EPRS1: variants seen among roughly 807,000 people sequenced by gnomAD.
The protein encoded by EPRS1 is bifunctional glutamate/proline--tRNA ligase.
In EPRS1, 107 loss-of-function variants were observed where a neutral mutation model predicts 188.3. The observed-to-expected ratio is 0.57, with a 90% confidence interval of 0.49 to 0.67. EPRS1 has a LOEUF of 0.67. Ranked by LOEUF, EPRS1 falls within the 30% of genes least tolerant of loss-of-function variation. The probability of loss-of-function intolerance (pLI) is 0.00; values close to 1 mark genes in which losing one functional copy is unlikely to be tolerated. For missense variants in EPRS1, 1,577 were observed against 1,802.2 expected, an observed-to-expected ratio of 0.88 and a Z score of 2.26; for synonymous variants, 596 against 593.1, an observed-to-expected ratio of 1.00 and a Z score of -0.07.
chr1:219,977,472 GT>G (rs1308743443), intron 28 of EPRS1, among the ~76,000 whole-genome samples: 1 of 152,048 alleles, frequency 6.6e-6, no homozygotes, highest in African/African-American at 2.4e-5. Context: ...AACGTGGATG[GT>G]TTTTTCTTTT....
At chr1:220,006,342 A>C (rs1305089178) in intron 14 of EPRS1, 29 bp from the exon 15 acceptor site, 7 of 1,053,916 alleles carry the variant, frequency 6.6e-6, no homozygotes, top group Non-Finnish European at 9.5e-6. Context: ...GTATTCAAAG[A>C]AATATTAACC....
chr1:220,046,503 T>C lies in EPRS1; in HGVS notation c.-115A>G, dbSNP rs1662407218. ...GCGCGTACCCGACGCCGCCGCAGCCTTCGCTCCGCCCCTGCGCCGCAGCTA... is the reference window on the plus strand; with the variant it reads ...GCGCGTACCCGACGCCGCCGCAGCCCTCGCTCCGCCCCTGCGCCGCAGCTA... On this transcript the variant is annotated 5_prime_UTR_variant, in exon 1 of 32. Coordinates refer to ENST00000366923, the MANE Select transcript of EPRS1 (RefSeq NM_004446.3). The C allele has an allele frequency of 1.7e-5, 25 of 1,511,876 alleles. No homozygotes were observed. The South Asian group carries it at 2.6e-4, about 16-fold the overall frequency. 93.7% of individuals were successfully genotyped at this position (1,511,876 alleles called of 1,614,324 possible).
At chr1:220,032,241 ATTTT>A (rs57738676) in intron 5 of EPRS1, 142 bp downstream of exon 5, 1,251 of 411,882 alleles carry the variant, frequency 3.0e-3, no homozygotes, top group Middle Eastern at 4.9e-3. Context: ...CGCCCGGCTA[ATTTT>A]TTTTTTTTTT....
chr1:220,004,737 T>C (rs1484075479), intron 16 of EPRS1, among the ~76,000 whole-genome samples: 1 of 151,568 alleles, frequency 6.6e-6, no homozygotes, highest in Non-Finnish European at 1.5e-5. Flanking sequence ...GTTACAGAGA[T>C]ATCACTTAAA....
chr1:219,973,156 C>A lies in EPRS1; in HGVS notation c.4244+82G>T. ...AGGGAACAATTGCTTCCAATTGGGG[C>A]AACCCCAAAAATTCCTTGGTAAAGA... On this transcript the variant is annotated intron_variant, in intron 29 of 31. Coordinates refer to ENST00000366923, the MANE Select transcript of EPRS1 (RefSeq NM_004446.3). The A allele has an allele frequency of 3.2e-6, 4 of 1,241,786 alleles. No homozygotes were observed. In the South Asian group the frequency reaches 4.3e-5, roughly 13 times the overall value. 76.9% of individuals were successfully genotyped at this position (1,241,786 alleles called of 1,614,324 possible). A position where few individuals can be genotyped will look rare whatever the true frequency, so the allele number is the denominator to read the frequency against.
chr1:220,018,157 GAAAAATGAAATGCAGAGTGTTCAT>G (rs1277656388), intron 12 of EPRS1: 2 of 1,375,250 alleles, frequency 1.5e-6, no homozygotes, highest in Non-Finnish European at 1.9e-6. Flanking sequence ...CTTGAAAGCA[GAAAAATGAAATGCAGAGTGTTCAT>G]AAAAAATTTA....
chr1:219,978,963 TA>T (rs61367425), intron 27 of EPRS1, among the ~76,000 whole-genome samples: 35,506 of 111,090 alleles, frequency 0.32, 4,380 homozygotes, highest in East Asian at 0.42. Flanking sequence ...TATATATATA[TA>T]TTTTTTTTTC....
At chr1:220,017,399 A>G (rs1204337514) in intron 12 of EPRS1, among the ~76,000 whole-genome samples, 1 of 152,216 alleles carries the variant, frequency 6.6e-6, no homozygotes. Flanking sequence ...TAACTTTATT[A>G]AAACTTAAAA....
intron 18 of EPRS1, among the ~76,000 whole-genome samples, chr1:219,989,520 G>A (rs968145677): frequency 4.1e-5 from 6 of 146,858 alleles, no homozygotes; most frequent in Non-Finnish European, 8.8e-5. Context: ...GAACTTGGAG[G>A]TATCAATCAA....
At chr1:220,042,696 C>T (rs1247829741) in intron 1 of EPRS1, among the ~76,000 whole-genome samples, 2 of 151,322 alleles carry the variant, frequency 1.3e-5, no homozygotes, top group Non-Finnish European at 2.9e-5. Context: ...CTGAGGGGGG[C>T]GGATCATGAG....
In EPRS1 at chr1:220,033,605, A is replaced by G. The variant is rs1662124793; in HGVS notation, c.285T>C (p.Phe95=). The part of the protein sequence containing the change: ...SATKLSSCDS[F]TSTINELNHC... ...GATTGAGTTCATTAATTGTAGAAGT[A>G]AAGGAATCACATGAAGATAATTTTG... Residue 95 remains phenylalanine (F), a synonymous_variant, in exon 4 of 32, where the codon TTT becomes TTC. Coordinates refer to ENST00000366923, the MANE Select transcript of EPRS1 (RefSeq NM_004446.3). 1 of 1,608,818 alleles carries G rather than the reference A, an allele frequency of 6.2e-7. No individual in the cohort carries two copies. The highest frequency in any genetic ancestry group is 8.5e-7 in the Non-Finnish European group (1 of 1,175,418).
At chr1:219,981,523 C>T in intron 23 of EPRS1, 66 bp from the exon 24 acceptor site, 1 of 866,156 alleles carries the variant, frequency 1.2e-6, no homozygotes, top group East Asian at 2.5e-5. Context: ...GATGTAACAG[C>T]TAAACCAGCA....
chr1:220,003,244 T>C (rs893479444), intron 16 of EPRS1, among the ~76,000 whole-genome samples: 4 of 152,240 alleles, frequency 2.6e-5, no homozygotes, highest in Admixed American at 2.0e-4. Flanking sequence ...CATCTTTTCA[T>C]GTGCTTACAT....
chr1:219,978,938 ATG>A (rs57245134), intron 27 of EPRS1, among the ~76,000 whole-genome samples: 46,383 of 146,774 alleles, frequency 0.32, 7,235 homozygotes, highest in Admixed American at 0.38. Flanking sequence ...TATTTTTCAT[ATG>A]TGTGTGTATA....
chr1:220,033,600 GAAGTA>G lies in EPRS1; in HGVS notation c.285_289del (p.Thr96TyrfsTer3). The G allele has an allele frequency of 6.2e-7, 1 of 1,607,814 alleles. No individual in the cohort carries two copies. The highest frequency in any genetic ancestry group is 8.5e-7 in the Non-Finnish European group (1 of 1,174,620). ...GCAATGATTGAGTTCATTAATTGTAGAAGTAAAGGAATCACATGAAGATAATTTTG... is the reference window on the plus strand; with the variant it reads ...GCAATGATTGAGTTCATTAATTGTAGAAGGAATCACATGAAGATAATTTTG... On this transcript the variant is annotated frameshift_variant, in exon 4 of 32. Transcript: ENST00000366923. LOFTEE classifies it high-confidence loss of function.
chr1:220,028,205 AAC>A (rs1290090603), intron 6 of EPRS1, among the ~76,000 whole-genome samples: 1 of 152,238 alleles, frequency 6.6e-6, no homozygotes, highest in Non-Finnish European at 1.5e-5. Context: ...TGCACCCAAT[AAC>A]ATGTTATAAC....
At chr1:220,003,115 A>G (rs756245683) in intron 16 of EPRS1, among the ~76,000 whole-genome samples, 8 of 152,158 alleles carry the variant, frequency 5.3e-5, no homozygotes, top group Non-Finnish European at 7.4e-5. Context: ...ATGGGTTCCA[A>G]TTTCTCCACA....
intron 28 of EPRS1, among the ~76,000 whole-genome samples, chr1:219,975,320 ACTAAT>A (rs1206581791): frequency 1.3e-5 from 2 of 152,218 alleles, no homozygotes; most frequent in African/African-American, 2.4e-5. Context: ...ATACAGGGTG[ACTAAT>A]CTAATAAATT....
chr1:219,995,997 T>A (rs1452075405), intron 18 of EPRS1, among the ~76,000 whole-genome samples: 1 of 152,138 alleles, frequency 6.6e-6, no homozygotes, highest in Admixed American at 6.6e-5. Flanking sequence ...ATTCTACAAT[T>A]TCTGGCAGCT....
Sources: allele counts gnomAD v4.1 joint callset (sites outside exome capture counted in the v4.1 genomes callset), GRCh38; gene constraint gnomAD v4.1.1; transcripts MANE v1.5; gene names NCBI Gene and HGNC (gene_info 2026-07-23, HGNC 2026-07-21).